ADGRD1: variants seen among roughly 807,000 people sequenced by gnomAD.
The protein encoded by ADGRD1 is G-protein coupled receptor 133.
Under a neutral mutation model 113.4 loss-of-function variants are expected in ADGRD1, and 77 were observed. That is an observed-to-expected ratio of 0.68 (90% CI 0.57 to 0.82). The LOEUF is 0.82. Ranked by LOEUF, ADGRD1 falls within the 40% of genes least tolerant of loss-of-function variation. ADGRD1 has a pLI of 0.00. For synonymous variants in ADGRD1, 474 were observed against 475.0 expected, an observed-to-expected ratio of 1.00 and a Z score of 0.03; for missense variants, 1,036 against 1,139.1, an observed-to-expected ratio of 0.91 and a Z score of 1.30.
intron 15 of ADGRD1, among the ~76,000 whole-genome samples, chr12:131,093,443 C>T (rs972906240): frequency 2.0e-5 from 3 of 152,198 alleles, no homozygotes; most frequent in African/African-American, 7.2e-5. Context: ...GGTTCTAGGC[C>T]CCGTGCCCCG....
chr12:131,123,208 C>G (rs1261855065), intron 20 of ADGRD1, among the ~76,000 whole-genome samples: 1 of 151,560 alleles, frequency 6.6e-6, no homozygotes, highest in African/African-American at 2.4e-5. Context: ...CCAAGCCCAG[C>G]TAATTTTTGT....
chr12:131,125,756 C>T (rs1950724710), intron 20 of ADGRD1, among the ~76,000 whole-genome samples: 1 of 152,204 alleles, frequency 6.6e-6, no homozygotes, highest in African/African-American at 2.4e-5. Context: ...ATTGAAAATG[C>T]ATTTAATACA....
At chr12:131,122,525 C>T (rs559740278) in intron 20 of ADGRD1, among the ~76,000 whole-genome samples, 1 of 152,282 alleles carries the variant, frequency 6.6e-6, no homozygotes, top group East Asian at 1.9e-4. Context: ...CTGGGAGGAC[C>T]ATTCATTTTG....
At position 130,973,613 on chromosome 12, in the gene ADGRD1, TG is replaced by T. The variant is rs1332743328; in HGVS notation, c.310+2035del. ...TGAGCCCCGACTCTGCACCAATCCT[TG>T]GTCTAATCCCAAACATGTATTCACT... On this transcript the variant is annotated intron_variant, in intron 4 of 24. Coordinates refer to ENST00000261654, the MANE Select transcript of ADGRD1 (RefSeq NM_198827.5). Among the ~76,000 whole-genome samples the T allele has an allele frequency of 2.6e-5, 4 of 152,234 alleles. No individual in the cohort carries two copies. In the East Asian group the frequency reaches 7.7e-4, roughly 29 times the overall value.
chr12:131,053,235 T>G (rs562953208), intron 13 of ADGRD1, among the ~76,000 whole-genome samples: 2 of 152,374 alleles, frequency 1.3e-5, no homozygotes, highest in African/African-American at 4.8e-5. Context: ...AGGCTGGTGA[T>G]GGCCTGGGCC....
At chr12:131,015,297 G>A (rs1269129633) in intron 13 of ADGRD1, among the ~76,000 whole-genome samples, 2 of 152,250 alleles carry the variant, frequency 1.3e-5, no homozygotes, top group Non-Finnish European at 2.9e-5. Context: ...GATGGGACTG[G>A]AGTGGAAGAT....
chr12:131,058,110 CAA>C (rs1476064605), intron 13 of ADGRD1, among the ~76,000 whole-genome samples: 2 of 152,182 alleles, frequency 1.3e-5, no homozygotes, highest in African/African-American at 4.8e-5. Flanking sequence ...TCATTTCTGA[CAA>C]TATTTTTTTC....
chr12:131,059,753 A>C (rs35307188), intron 13 of ADGRD1, among the ~76,000 whole-genome samples: 1 of 152,202 alleles, frequency 6.6e-6, no homozygotes, highest in South Asian at 2.1e-4. Flanking sequence ...AAGCACTTCT[A>C]ATTCTTTGCT....
intron 2 of ADGRD1, chr12:130,958,118 CTT>C (rs1197533555): frequency 6.5e-6 from 1 of 153,492 alleles, no homozygotes; most frequent in Non-Finnish European, 1.5e-5. Context: ...TTCTCTCTCA[CTT>C]TGTTTCCTGT....
intron 13 of ADGRD1, among the ~76,000 whole-genome samples, chr12:131,072,844 T>A (rs755409789): frequency 6.6e-6 from 1 of 152,210 alleles, no homozygotes; most frequent in Non-Finnish European, 1.5e-5. Context: ...CTGAGTGGGA[T>A]GTCCTAAGGG....
chr12:130,984,698 T>C lies in ADGRD1; in HGVS notation c.491-2397T>C, dbSNP rs1017328150. The stretch of plus-strand genomic sequence containing the variant: ...CTCTCGGTGTTGTACATTCTATGGG[T>C]TGGTGAGGTTGATCTTTCGCCCATT... On this transcript the variant is annotated intron_variant, in intron 5 of 24. Transcript: ENST00000261654. This position sits in a 1 kb window ranked among gnomAD's most constrained non-coding sequence, Gnocchi z 4.1. Among the ~76,000 whole-genome samples, 3 of 152,136 alleles carry C rather than the reference T, an allele frequency of 2.0e-5. No homozygotes were observed. Among genetic ancestry groups the C allele is most frequent in the Middle Eastern group, 3.4e-3 (1 of 294 alleles).
intron 15 of ADGRD1, among the ~76,000 whole-genome samples, chr12:131,086,162 G>A (rs1886450893): frequency 6.6e-6 from 1 of 152,176 alleles, no homozygotes; most frequent in South Asian, 2.1e-4. Flanking sequence ...ATCCACCAGC[G>A]TCCGCAGTGT....
At chr12:131,076,589 T>TC (rs1566087429) in intron 13 of ADGRD1, among the ~76,000 whole-genome samples, 1 of 150,316 alleles carries the variant, frequency 6.7e-6, no homozygotes, top group East Asian at 2.0e-4. Flanking sequence ...CCAGGGCCCT[T>TC]GGGTGGGTTG....
At position 131,103,558 on chromosome 12, in the gene ADGRD1, C is replaced by T. The variant is rs531334356; in HGVS notation, c.1672-1273C>T. On this transcript the variant is annotated intron_variant, in intron 15 of 24. Coordinates refer to ENST00000261654, the MANE Select transcript of ADGRD1 (RefSeq NM_198827.5). ...GGCCCCCTGGCCCCAGGTTGCTCCC[C>T]GTGGTCCAGTGCACTACCTGCCTCA... Among the ~76,000 whole-genome samples, 40 of 138,386 alleles carry T rather than the reference C, an allele frequency of 2.9e-4. 1 individual carries two copies. The East Asian group carries it at 8.0e-3, about 28-fold the overall frequency. The allele number at this position is 138,386 out of a possible 152,430, so 90.8% of individuals were successfully genotyped here.
intron 20 of ADGRD1, among the ~76,000 whole-genome samples, chr12:131,130,186 TG>T (rs914438227): frequency 2.0e-5 from 3 of 152,250 alleles, no homozygotes; most frequent in Non-Finnish European, 4.4e-5. Context: ...GACACCATGC[TG>T]GGTGGCTAAT....
chr12:131,021,128 G>A (rs1035247066), intron 13 of ADGRD1, among the ~76,000 whole-genome samples: 5 of 152,162 alleles, frequency 3.3e-5, no homozygotes, highest in Admixed American at 6.5e-5. Context: ...GCCCCTGTAT[G>A]TCTACAGACA....
intron 13 of ADGRD1, among the ~76,000 whole-genome samples, chr12:131,018,889 G>A (rs533280872): frequency 7.9e-5 from 12 of 152,280 alleles, no homozygotes; most frequent in South Asian, 6.2e-4. Context: ...TTTGGCTCCC[G>A]GGTTGTTCTG....
chr12:131,044,753 C>G (rs1305288683), intron 13 of ADGRD1, among the ~76,000 whole-genome samples: 1 of 152,216 alleles, frequency 6.6e-6, no homozygotes, highest in Non-Finnish European at 1.5e-5. Context: ...TACACACACA[C>G]GACGGCATCA....
chr12:131,067,831 C>T (rs1884845932), intron 13 of ADGRD1, among the ~76,000 whole-genome samples: 1 of 12,456 alleles, frequency 8.0e-5, no homozygotes, highest in Admixed American at 5.6e-4. Context: ...GCAGGGGCTG[C>T]CCTCTGCCTC....
Sources: allele counts gnomAD v4.1 joint callset (sites outside exome capture counted in the v4.1 genomes callset), GRCh38; gene constraint gnomAD v4.1.1; non-coding constraint Gnocchi (gnomAD v3.1); transcripts MANE v1.5; gene names NCBI Gene and HGNC (gene_info 2026-07-23, HGNC 2026-07-21).